Variants in ATP8A2 observed in about 807,000 individuals in gnomAD.
ATP8A2 encodes the protein phospholipid-transporting ATPase IB.
ATP8A2 carries 100 observed loss-of-function variants against 165.6 expected under a neutral mutation model. That is an observed-to-expected ratio of 0.60 (90% CI 0.51 to 0.71). The LOEUF (loss-of-function observed/expected upper bound fraction) is 0.71, where lower values mean the gene tolerates loss of function less well. Ranked by LOEUF, ATP8A2 falls within the 30% of genes least tolerant of loss-of-function variation. The pLI is 0.00. For synonymous variants in ATP8A2, 543 were observed against 548.8 expected (o/e 0.99, Z 0.15); for missense variants, 1,227 against 1,479.5 (o/e 0.83, Z 2.80).
rs114632332 is a variant in ATP8A2, at chr13:25,551,105, T to C, written c.892-233T>C. Among the ~76,000 whole-genome samples the C allele has an allele frequency of 1.6e-3, 251 of 152,356 alleles. 2 individuals carry two copies. Among genetic ancestry groups the C allele is most frequent in the African/African-American group, 5.7e-3 (236 of 41,596 alleles). On this transcript the variant is annotated intron_variant, in intron 10 of 36. Transcript: ENST00000381655. ...ATCATAAGAAGTACAGAATGAATCA[T>C]GTAATGTTGGAATGTGTTCTTTAAA...
intron 33 of ATP8A2, among the ~76,000 whole-genome samples, chr13:25,874,895 GA>G (rs1952784960): frequency 6.6e-6 from 1 of 152,116 alleles, no homozygotes; most frequent in Admixed American, 6.5e-5. Flanking sequence ...ACAAAAGAAG[GA>G]AATCCTGTCA....
intron 27 of ATP8A2, among the ~76,000 whole-genome samples, chr13:25,790,553 G>T (rs2045142349): frequency 6.6e-6 from 1 of 151,700 alleles, no homozygotes; most frequent in Admixed American, 6.6e-5. Flanking sequence ...AAATTAGCTG[G>T]GCATGGTGGT....
At chr13:25,560,836 C>A (rs2039124921) in intron 15 of ATP8A2, among the ~76,000 whole-genome samples, 2 of 151,112 alleles carry the variant, frequency 1.3e-5, no homozygotes, top group Non-Finnish European at 1.5e-5. Context: ...TCTGTACCTC[C>A]TTAGGCATAT....
At chr13:25,657,052 C>CAAAAAAAA in intron 24 of ATP8A2, among the ~76,000 whole-genome samples, 1 of 67,730 alleles carries the variant, frequency 1.5e-5, no homozygotes, top group East Asian at 5.3e-4. Flanking sequence ...GACTCTGTCT[C>CAAAAAAAA]AAAAAAAAAA....
chr13:25,550,658 G>A (rs1004378799), intron 10 of ATP8A2, among the ~76,000 whole-genome samples: 3 of 152,094 alleles, frequency 2.0e-5, no homozygotes, highest in Non-Finnish European at 4.4e-5. Flanking sequence ...TTCTCCTTCC[G>A]TTTCTCCTTT....
intron 24 of ATP8A2, among the ~76,000 whole-genome samples, chr13:25,644,402 G>T (rs1188299555): frequency 6.6e-6 from 1 of 152,020 alleles, no homozygotes; most frequent in African/African-American, 2.4e-5. Flanking sequence ...TTGCATCCCA[G>T]GGATAAATGC....
chr13:25,968,983 G>A (rs749447227), intron 35 of ATP8A2, among the ~76,000 whole-genome samples: 6 of 152,168 alleles, frequency 3.9e-5, no homozygotes, highest in Non-Finnish European at 5.9e-5. Context: ...AGAGTTAGCA[G>A]TATTACCACA....
chr13:25,444,530 T>C (rs1034511417), intron 1 of ATP8A2, among the ~76,000 whole-genome samples: 4 of 152,218 alleles, frequency 2.6e-5, no homozygotes, highest in Non-Finnish European at 5.9e-5. Flanking sequence ...TTCTGGAGAA[T>C]GTGAGGAGTT....
At chr13:25,961,399 A>G (rs1462791499) in intron 33 of ATP8A2, among the ~76,000 whole-genome samples, 176 bp from the exon 34 acceptor site, 2 of 152,216 alleles carry the variant, frequency 1.3e-5, no homozygotes, top group African/African-American at 2.4e-5. Flanking sequence ...AAGGCTGCAG[A>G]GAGGAGCAAG....
intron 1 of ATP8A2, among the ~76,000 whole-genome samples, chr13:25,468,503 T>C (rs1349568836): frequency 1.3e-5 from 2 of 152,162 alleles, no homozygotes; most frequent in Non-Finnish European, 2.9e-5. Context: ...GCTGTCTCTG[T>C]TCCTAAGGAA....
chr13:25,826,253 A>G (rs1024620391), intron 27 of ATP8A2, among the ~76,000 whole-genome samples: 1 of 152,232 alleles, frequency 6.6e-6, no homozygotes, highest in Non-Finnish European at 1.5e-5. Flanking sequence ...AAAAGTTTTA[A>G]AGGAAAAAGA....
intron 33 of ATP8A2, among the ~76,000 whole-genome samples, chr13:25,864,946 G>A (rs1384954864): frequency 6.6e-6 from 1 of 152,170 alleles, no homozygotes; most frequent in Non-Finnish European, 1.5e-5. Context: ...CCTGCAGTCT[G>A]CCACTCTGTA....
chr13:25,508,024 A>C (rs2037105099), intron 2 of ATP8A2, among the ~76,000 whole-genome samples: 1 of 152,230 alleles, frequency 6.6e-6, no homozygotes, highest in Non-Finnish European at 1.5e-5. Flanking sequence ...ATTAGCAGTC[A>C]AGGAAATGCA....
intron 24 of ATP8A2, among the ~76,000 whole-genome samples, chr13:25,662,013 T>A (rs772376430): frequency 3.3e-5 from 5 of 152,122 alleles, no homozygotes; most frequent in Admixed American, 6.6e-5. Flanking sequence ...AATTCTGAAG[T>A]GTGATTGCCT....
intron 33 of ATP8A2, among the ~76,000 whole-genome samples, chr13:25,894,806 G>C (rs1304795311): frequency 6.6e-6 from 1 of 152,068 alleles, no homozygotes; most frequent in Non-Finnish European, 1.5e-5. Context: ...ATTGTGAATG[G>C]GAGTTCACTC....
chr13:25,837,459 A>G (rs1951645426), intron 29 of ATP8A2, among the ~76,000 whole-genome samples, 174 bp downstream of exon 29: 1 of 150,386 alleles, frequency 6.6e-6, no homozygotes, highest in African/African-American at 2.5e-5. Flanking sequence ...ACACACACAC[A>G]CACACACACA....
chr13:25,999,227 A>AC (rs1193086241), intron 35 of ATP8A2, among the ~76,000 whole-genome samples: 3 of 152,130 alleles, frequency 2.0e-5, no homozygotes, highest in East Asian at 1.9e-4. Context: ...GGCTGAATGA[A>AC]CCCTCTAGTT....
rs537543787 is a variant in ATP8A2, at chr13:25,585,122, A to G, written c.2146+3165A>G. 2.3e-3 allele frequency among the ~76,000 whole-genome samples: 344 copies of G among 152,314 alleles called. 1 individual carries two copies. Among genetic ancestry groups the G allele is most frequent in the African/African-American group, 7.8e-3 (325 of 41,574 alleles). On this transcript the variant is annotated intron_variant, in intron 23 of 36. Transcript: ENST00000381655. ...CTGTGAGCCAGTGAATTGTATGTAG[A>G]TAGACAATCATCTTGTGTATAGGTT...
intron 33 of ATP8A2, among the ~76,000 whole-genome samples, chr13:25,951,032 G>A (rs1403888125): frequency 1.3e-5 from 2 of 152,170 alleles, no homozygotes; most frequent in African/African-American, 4.8e-5. Context: ...GCCTGCACTT[G>A]CTTTATTCAG....
Sources: gnomAD v4.1 joint callset for allele counts (sites outside exome capture counted in the v4.1 genomes callset) on GRCh38, gnomAD v4.1.1 for gene constraint, MANE v1.5 for transcripts, NCBI Gene and HGNC (gene_info 2026-07-23, HGNC 2026-07-21) for gene names.